Variants in ZC3H8 observed in about 807,000 individuals in gnomAD.
The protein encoded by ZC3H8 is zinc finger CCCH-type containing 8, also known as zinc finger CCCH domain-containing protein 8.
A neutral mutation model predicts 42.5 loss-of-function variants in ZC3H8; 27 were observed. The ratio of observed to expected loss-of-function variants is 0.64; its 90% CI spans 0.47 to 0.88. ZC3H8 has a LOEUF of 0.88. Ranked by LOEUF, ZC3H8 falls within the 40% of genes least tolerant of loss-of-function variation. The pLI is 0.00. For missense variants in ZC3H8, 277 were observed against 336.1 expected (o/e 0.82, Z 1.37); for synonymous variants, 101 against 110.1 (o/e 0.92, Z 0.52).
intron 2 of ZC3H8, among the ~76,000 whole-genome samples, chr2:112,248,393 A>T (rs1685830310): frequency 6.6e-6 from 1 of 152,166 alleles, no homozygotes; most frequent in Non-Finnish European, 1.5e-5. Context: ...AAGAAAAAGC[A>T]AGCAAGCAAG....
At chr2:112,233,503 A>T (rs1685180200) in intron 5 of ZC3H8, 132 bp from the exon 6 acceptor site, 1 of 639,576 alleles carries the variant, frequency 1.6e-6, no homozygotes, top group Non-Finnish European at 2.7e-6. Flanking sequence ...GCACATTCTA[A>T]CTGTTAATAA....
At position 112,215,242 on chromosome 2, in the gene ZC3H8, G is replaced by A. The variant is rs2104636638; in HGVS notation, c.*1242C>T. The A allele has an allele frequency of 6.6e-6, 1 of 152,194 alleles. No individual in the cohort carries two copies. Among genetic ancestry groups the A allele is most frequent in the East Asian group, 1.9e-4 (1 of 5,182 alleles). 9.4% of individuals were successfully genotyped at this position (152,194 alleles called of 1,614,324 possible). A position where few individuals can be genotyped will look rare whatever the true frequency, so the allele number is the denominator to read the frequency against. ...TGAATTGCATTATCCACTGTATAAG[G>A]TTGTTATGAGACTTAAATAAGAAGT... On this transcript the variant is annotated 3_prime_UTR_variant, in exon 9 of 9. Coordinates refer to ENST00000409573, the MANE Select transcript of ZC3H8 (RefSeq NM_032494.3).
At chr2:112,240,126 C>T (rs1010855799) in intron 2 of ZC3H8, among the ~76,000 whole-genome samples, 2 of 152,166 alleles carry the variant, frequency 1.3e-5, no homozygotes, top group African/African-American at 4.8e-5. Context: ...TGCCTTTTCC[C>T]CATTAACACC....
intron 8 of ZC3H8, among the ~76,000 whole-genome samples, chr2:112,218,179 C>T (rs1439316471): frequency 1.3e-5 from 2 of 152,182 alleles, no homozygotes; most frequent in Non-Finnish European, 2.9e-5. Context: ...TCTATCTTCC[C>T]ATTCTCTAGG....
chr2:112,226,589 CAAAAA>C (rs549996878), intron 8 of ZC3H8, among the ~76,000 whole-genome samples: 28 of 74,202 alleles, frequency 3.8e-4, no homozygotes, highest in African/African-American at 1.7e-3. Context: ...GACTCCATCT[CAAAAA>C]AAAAAAAAAA....
At chr2:112,216,867 T>C (rs1390321308) in intron 8 of ZC3H8, among the ~76,000 whole-genome samples, 3 of 150,632 alleles carry the variant, frequency 2.0e-5, no homozygotes, top group Admixed American at 2.0e-4. Flanking sequence ...GAAAGAAAAA[T>C]TTAATAGAAA....
Position 112,213,275 on chromosome 2 carries a change from A to T in ZC3H8, c.*3209T>A, listed in dbSNP as rs1266380886. On this transcript the variant is annotated 3_prime_UTR_variant, in exon 9 of 9. Coordinates refer to ENST00000409573, the MANE Select transcript of ZC3H8 (RefSeq NM_032494.3). Reference sequence around the variant, plus strand: ...GTGAGCCACTGCACCCGGCCTGAAGAAATCCTTGCACGTAACCCCCCAGTG... The same window carrying T: ...GTGAGCCACTGCACCCGGCCTGAAGTAATCCTTGCACGTAACCCCCCAGTG... The T allele has an allele frequency of 6.6e-6, 1 of 152,060 alleles. No individual in the cohort carries two copies. Among genetic ancestry groups the T allele is most frequent in the Non-Finnish European group, 1.5e-5 (1 of 68,022 alleles). 9.4% of individuals were successfully genotyped at this position (152,060 alleles called of 1,614,324 possible). A position where few individuals can be genotyped will look rare whatever the true frequency, so the allele number is the denominator to read the frequency against.
chr2:112,254,771 G>T, intron 1 of ZC3H8, 137 bp downstream of exon 1: 1 of 1,013,710 alleles, frequency 9.9e-7, no homozygotes, highest in Non-Finnish European at 1.4e-6. Flanking sequence ...GGTGGCGCCC[G>T]GCCGGCCCAC....
chr2:112,245,976 T>C (rs1424239944), intron 2 of ZC3H8, among the ~76,000 whole-genome samples: 1 of 152,216 alleles, frequency 6.6e-6, no homozygotes, highest in Admixed American at 6.5e-5. Flanking sequence ...TAGGAGCTAA[T>C]GCAGCTGGTG....
At chr2:112,230,491 G>GA (rs2104652057) in intron 8 of ZC3H8, among the ~76,000 whole-genome samples, 1 of 152,172 alleles carries the variant, frequency 6.6e-6, no homozygotes, top group Admixed American at 6.5e-5. Context: ...AACATAAAGT[G>GA]AAATGTTATA....
At chr2:112,248,332 G>A (rs972528561) in intron 2 of ZC3H8, among the ~76,000 whole-genome samples, 8 of 142,518 alleles carry the variant, frequency 5.6e-5, no homozygotes, top group Admixed American at 2.8e-4. Flanking sequence ...AAGAAAGAAA[G>A]AAAGAAAAGA....
chr2:112,224,562 G>A (rs979059844), intron 8 of ZC3H8, among the ~76,000 whole-genome samples: 6 of 152,096 alleles, frequency 3.9e-5, no homozygotes, highest in African/African-American at 1.2e-4. Flanking sequence ...ATAAATGTTC[G>A]CTGAAGCTTT....
chr2:112,243,131 A>G (rs2104665345), intron 2 of ZC3H8, among the ~76,000 whole-genome samples: 1 of 152,340 alleles, frequency 6.6e-6, no homozygotes, highest in African/African-American at 2.4e-5. Context: ...GCTTGGTATC[A>G]CTGTGCTGTT....
intron 1 of ZC3H8, among the ~76,000 whole-genome samples, chr2:112,252,088 C>T (rs1055034284): frequency 1.3e-5 from 2 of 152,208 alleles, no homozygotes; most frequent in Admixed American, 6.5e-5. Flanking sequence ...TCTATATCAT[C>T]ACTATGAATA....
In ZC3H8 at chr2:112,254,956, T is replaced by C; in HGVS notation, c.26A>G (p.Lys9Arg). Residue 9 changes from lysine to arginine, a missense_variant, in exon 1 of 9, where the codon AAA becomes AGA. Lys to Arg is a conservative substitution (Grantham distance 26). Transcript: ENST00000409573. Reference protein sequence around the residue: MDFENLFSKPPNPALGKTA... With the variant: MDFENLFSRPPNPALGKTA... ...TTTGCCGAGGGCCGGGTTGGGGGGTTTTGAGAAAAGATTCTCAAAATCCAT... is the reference window on the plus strand; with the variant it reads ...TTTGCCGAGGGCCGGGTTGGGGGGTCTTGAGAAAAGATTCTCAAAATCCAT... The C allele has an allele frequency of 6.2e-7, 1 of 1,612,764 alleles. No individual in the cohort carries two copies. Among genetic ancestry groups the C allele is most frequent in the Non-Finnish European group, 8.5e-7 (1 of 1,179,468 alleles).
At chr2:112,254,514 G>A (rs1381730806) in intron 1 of ZC3H8, among the ~76,000 whole-genome samples, 1 of 152,220 alleles carries the variant, frequency 6.6e-6, no homozygotes, top group African/African-American at 2.4e-5. Flanking sequence ...GGTCACATCA[G>A]TGTCCTCTGG....
In ZC3H8 at chr2:112,238,523, TCTAAA is replaced by T; in HGVS notation, c.157_161del (p.Phe53ThrfsTer12). On this transcript the variant is annotated frameshift_variant and splice_region_variant, in exon 3 of 9. Coordinates refer to ENST00000409573, the MANE Select transcript of ZC3H8 (RefSeq NM_032494.3). LOFTEE classifies it high-confidence loss of function. ...AACTTTTTGGTGATATTGCAGAGTGTCTAAACTAAGTAAAAATTAAAACTTCAATT... is the reference window on the plus strand; with the variant it reads ...AACTTTTTGGTGATATTGCAGAGTGTCTAAGTAAAAATTAAAACTTCAATT... 1.3e-6 allele frequency: 2 copies of T among 1,596,378 alleles called. No homozygotes were observed. The highest frequency in any genetic ancestry group is 1.7e-6 in the Non-Finnish European group (2 of 1,175,448).
chr2:112,215,937 A>G lies in ZC3H8; in HGVS notation c.*547T>C, dbSNP rs1281889864. ...AGAAACTGGAAACAAATGTCTAACA[A>G]TAGGAAACTGGTTTAAAAAAATCAT... is the stretch of plus-strand genomic sequence containing the variant. On this transcript the variant is annotated 3_prime_UTR_variant, in exon 9 of 9. Coordinates refer to ENST00000409573, the MANE Select transcript of ZC3H8 (RefSeq NM_032494.3). 6.6e-6 allele frequency: 1 copy of G among 152,240 alleles called. No individual in the cohort carries two copies. The highest frequency in any genetic ancestry group is 1.5e-5 in the Non-Finnish European group (1 of 68,040). 9.4% of individuals were successfully genotyped at this position (152,240 alleles called of 1,614,324 possible).
At position 112,247,478 on chromosome 2, in the gene ZC3H8, C is replaced by T. The variant is rs536011141; in HGVS notation, c.156+2713G>A. Among the ~76,000 whole-genome samples, 24 of 152,296 alleles carry T rather than the reference C, an allele frequency of 1.6e-4. No homozygotes were observed. The South Asian group carries it at 4.8e-3, about 30-fold the overall frequency. On this transcript the variant is annotated intron_variant, in intron 2 of 8. Coordinates refer to ENST00000409573, the MANE Select transcript of ZC3H8 (RefSeq NM_032494.3). ...CCTGTATTCCCAACTACTCGGGAGG[C>T]TGAGGCAGGAGAATTGCTTGAACCT...
Sources: allele counts gnomAD v4.1 joint callset (sites outside exome capture counted in the v4.1 genomes callset), GRCh38; gene constraint gnomAD v4.1.1; transcripts MANE v1.5; gene names NCBI Gene and HGNC (gene_info 2026-07-23, HGNC 2026-07-21).